Variants in SIPA1L3 observed in about 807,000 individuals in gnomAD.
SIPA1L3 encodes the protein signal-induced proliferation-associated 1-like protein 3.
SIPA1L3 carries 59 observed loss-of-function variants against 150.1 expected under a neutral mutation model. The ratio of observed to expected loss-of-function variants is 0.39; its 90% CI spans 0.32 to 0.49. The LOEUF (loss-of-function observed/expected upper bound fraction) is 0.49. Among genes scored for constraint, SIPA1L3 ranks in the 20% least tolerant of loss-of-function variants. The probability of loss-of-function intolerance (pLI) is 0.86; values close to 1 mark genes in which losing one functional copy is unlikely to be tolerated. For missense variants in SIPA1L3, 2,211 were observed against 2,489.5 expected, an observed-to-expected ratio of 0.89 and a Z score of 2.38; for synonymous variants, 1,070 against 1,077.6, an observed-to-expected ratio of 0.99 and a Z score of 0.14.
chr19:38,010,805 G>C (rs1044503549), intron 1 of SIPA1L3, among the ~76,000 whole-genome samples: 1 of 152,172 alleles, frequency 6.6e-6, no homozygotes, highest in Non-Finnish European at 1.5e-5. Flanking sequence ...GTGTGACCTT[G>C]AGTAAGTGAC....
At chr19:38,065,541 C>G (rs1196973529) in intron 2 of SIPA1L3, among the ~76,000 whole-genome samples, 1 of 151,836 alleles carries the variant, frequency 6.6e-6, no homozygotes, top group Non-Finnish European at 1.5e-5. Flanking sequence ...CTCAGCCTCC[C>G]GAGTAGCTGG....
chr19:38,183,440 A>G (rs1441412910), intron 16 of SIPA1L3, among the ~76,000 whole-genome samples: 4 of 151,692 alleles, frequency 2.6e-5, no homozygotes, highest in African/African-American at 9.7e-5. Context: ...GGCAGGGTGG[A>G]TGTGGTGTGA....
At chr19:38,027,967 T>A (rs113883231) in intron 1 of SIPA1L3, among the ~76,000 whole-genome samples, 1,663 of 152,170 alleles carry the variant, frequency 0.011, 30 homozygotes, top group African/African-American at 0.039. Flanking sequence ...GAGTCAGCAC[T>A]TGTCTGCTAG....
chr19:38,101,428 A>G (rs1970501217), intron 6 of SIPA1L3, among the ~76,000 whole-genome samples: 1 of 151,930 alleles, frequency 6.6e-6, no homozygotes, highest in African/African-American at 2.4e-5. Flanking sequence ...GTTGTTTTTG[A>G]GACAGAGTCT....
intron 1 of SIPA1L3, among the ~76,000 whole-genome samples, chr19:37,997,733 G>A (rs1408893184): frequency 6.6e-6 from 1 of 151,732 alleles, no homozygotes; most frequent in Non-Finnish European, 1.5e-5. Context: ...TGGGCGCAGT[G>A]GTGCGCTCCT....
intron 6 of SIPA1L3, among the ~76,000 whole-genome samples, chr19:38,102,983 TG>T (rs1310169020): frequency 6.6e-6 from 1 of 151,034 alleles, no homozygotes; most frequent in African/African-American, 2.4e-5. Flanking sequence ...AAAAATTAGC[TG>T]GGCGTGGTGG....
intron 4 of SIPA1L3, among the ~76,000 whole-genome samples, chr19:38,098,003 C>T (rs1031990815): frequency 5.9e-5 from 9 of 152,302 alleles, no homozygotes; most frequent in Middle Eastern, 3.4e-3. Context: ...GGATAAGGCA[C>T]GTAACCTCTT....
At chr19:38,195,623 G>A (rs535488407) in intron 18 of SIPA1L3, among the ~76,000 whole-genome samples, 57 of 152,256 alleles carry the variant, frequency 3.7e-4, no homozygotes, top group African/African-American at 1.1e-3. Flanking sequence ...CGGGGACAGC[G>A]GCCACCACGG....
chr19:38,186,852 T>A (rs1416363301), intron 16 of SIPA1L3, among the ~76,000 whole-genome samples: 3 of 149,740 alleles, frequency 2.0e-5, no homozygotes, highest in African/African-American at 7.4e-5. Flanking sequence ...TAGCCAGGCG[T>A]GGTGTCGCAT....
Position 38,082,723 on chromosome 19 carries a change from C to T in SIPA1L3, c.1158C>T (p.Ala386=), listed in dbSNP as rs1970030646. Reference sequence around the variant, plus strand: ...CCTCGGCCATGGCCTCCCTCACGGCCTCGCGGGCCCACAGCCTCGGAGGCC... The same window carrying T: ...CCTCGGCCATGGCCTCCCTCACGGCTTCGCGGGCCCACAGCCTCGGAGGCC... The part of the protein sequence containing the change: ...SAASAMASLT[A]SRAHSLGGLD... The change falls in exon 3 of 22, where the codon GCC becomes GCT. Residue 386 remains alanine (A), a synonymous_variant. Coordinates refer to ENST00000222345, the MANE Select transcript of SIPA1L3 (RefSeq NM_015073.3). 1.2e-6 allele frequency: 2 copies of T among 1,611,876 alleles called. No homozygotes were observed. The highest frequency in any genetic ancestry group is 1.7e-6 in the Non-Finnish European group (2 of 1,179,578).
chr19:38,123,305 T>A (rs855627), intron 9 of SIPA1L3, among the ~76,000 whole-genome samples: 8 of 148,424 alleles, frequency 5.4e-5, no homozygotes, highest in Non-Finnish European at 1.0e-4. Flanking sequence ...CTTGGGTGTT[T>A]CTCACAGAGG....
At chr19:38,204,333 G>C in intron 21 of SIPA1L3, 125 bp downstream of exon 21, 1 of 692,330 alleles carries the variant, frequency 1.4e-6, no homozygotes, top group Non-Finnish European at 2.5e-6. Context: ...CTGTGTTTGA[G>C]TGTAGTCATG....
At chr19:37,921,603 C>CTT (rs143004129) in intron 1 of SIPA1L3, among the ~76,000 whole-genome samples, 1 of 142,062 alleles carries the variant, frequency 7.0e-6, no homozygotes, top group African/African-American at 2.6e-5. Flanking sequence ...CTTTTTCTTT[C>CTT]TTTTTTTTTT....
chr19:38,105,251 G>C (rs1030439635), intron 6 of SIPA1L3, among the ~76,000 whole-genome samples: 2 of 151,960 alleles, frequency 1.3e-5, no homozygotes, highest in African/African-American at 4.8e-5. Context: ...TGTAATCCCA[G>C]CTACTCAGGA....
chr19:37,930,694 T>C (rs920571458), intron 1 of SIPA1L3, among the ~76,000 whole-genome samples: 1 of 152,086 alleles, frequency 6.6e-6, no homozygotes, highest in African/African-American at 2.4e-5. Context: ...GCTCCCTGTT[T>C]TACTTTGGGC....
At chr19:38,049,572 T>G (rs2145756909) in intron 2 of SIPA1L3, among the ~76,000 whole-genome samples, 1 of 152,270 alleles carries the variant, frequency 6.6e-6, no homozygotes, top group South Asian at 2.1e-4. Context: ...CCGCCTACCT[T>G]TGCCTTAGGA....
At chr19:38,088,318 G>A (rs563300773) in intron 3 of SIPA1L3, among the ~76,000 whole-genome samples, 2 of 152,370 alleles carry the variant, frequency 1.3e-5, no homozygotes, top group South Asian at 2.1e-4. Flanking sequence ...GGGCTAATCC[G>A]CAGTTAAACC....
intron 1 of SIPA1L3, among the ~76,000 whole-genome samples, chr19:37,943,898 A>G (rs370713679): frequency 3.3e-5 from 5 of 152,092 alleles, no homozygotes; most frequent in South Asian, 4.2e-4. Flanking sequence ...ATGTTGATCA[A>G]TTTTTTAAAA....
chr19:38,095,270 G>C (rs1206180609), intron 4 of SIPA1L3, among the ~76,000 whole-genome samples: 1 of 152,156 alleles, frequency 6.6e-6, no homozygotes, highest in Non-Finnish European at 1.5e-5. Flanking sequence ...CTTGAGGCAG[G>C]CATTTTTATC....
Sources: gnomAD v4.1 joint callset for allele counts (sites outside exome capture counted in the v4.1 genomes callset) on GRCh38, gnomAD v4.1.1 for gene constraint, MANE v1.5 for transcripts, NCBI Gene and HGNC (gene_info 2026-07-23, HGNC 2026-07-21) for gene names.